The following CD1B variants were observed in gnomAD, a reference collection of about 807,000 sequenced individuals.
The protein encoded by CD1B is CD1b molecule, also known as T-cell surface glycoprotein CD1b.
In CD1B, 43 loss-of-function variants were observed where a neutral mutation model predicts 39.8. The observed-to-expected ratio is 1.08, with a 90% confidence interval of 0.85 to 1.39. The LOEUF is 1.39. Ranked by LOEUF, CD1B falls within the 40% of genes most tolerant of loss-of-function variation. The pLI, the probability that CD1B is intolerant of heterozygous loss-of-function variation, is 0.00. For synonymous variants in CD1B, 192 were observed against 152.5 expected, an observed-to-expected ratio of 1.26 and a Z score of -1.91; for missense variants, 495 against 403.8, an observed-to-expected ratio of 1.23 and a Z score of -1.94.
the CD1B span, among the ~76,000 whole-genome samples, chr1:158,321,942 G>C: frequency 2.2e-4 from 34 of 151,466 alleles, no homozygotes; most frequent in African/African-American, 8.3e-4. Context: ...TCAGGCCCCA[G>C]TGTGTGTTGC....
At chr1:158,292,675 C>A in the CD1B span, 1 of 1,614,016 alleles carries the variant, frequency 6.2e-7, no homozygotes, top group South Asian at 1.1e-5. Context: ...CCTCCGGCTT[C>A]TACCCAAAGC....
chr1:158,289,054 G>A, the CD1B span, among the ~76,000 whole-genome samples: 10 of 152,192 alleles, frequency 6.6e-5, no homozygotes, highest in Admixed American at 1.3e-4. Context: ...GTATTTAGTT[G>A]AGATGCATGC....
chr1:158,292,362 C>A, the CD1B span: 2 of 1,612,310 alleles, frequency 1.2e-6, no homozygotes, highest in East Asian at 2.2e-5. Flanking sequence ...TGTACACAGG[C>A]AAGGTCAGTA....
chr1:158,292,001 C>A, the CD1B span: 1 of 1,398,706 alleles, frequency 7.1e-7, no homozygotes, highest in Non-Finnish European at 9.7e-7. Context: ...TCTTGCTTCA[C>A]TTCCTGATAC....
the CD1B span, among the ~76,000 whole-genome samples, chr1:158,294,073 A>C: frequency 6.6e-6 from 1 of 152,346 alleles, no homozygotes; most frequent in Admixed American, 6.5e-5. Context: ...GGAAAAGTGC[A>C]GCCTTGTGCC....
At chr1:158,311,614 T>A in the CD1B span, among the ~76,000 whole-genome samples, 2 of 152,162 alleles carry the variant, frequency 1.3e-5, no homozygotes, top group Non-Finnish European at 2.9e-5. Flanking sequence ...TTTCTTCTTG[T>A]AGTTTCACAA....
At chr1:158,304,439 G>A in the CD1B span, among the ~76,000 whole-genome samples, 7 of 152,290 alleles carry the variant, frequency 4.6e-5, 1 homozygote, top group Middle Eastern at 6.8e-3. Flanking sequence ...ACAAAGGCCA[G>A]GAAGCTCGAA....
the CD1B span, among the ~76,000 whole-genome samples, chr1:158,316,826 C>T: frequency 5.3e-4 from 81 of 151,926 alleles, 3 homozygotes; most frequent in Admixed American, 1.5e-3. Context: ...TTTTGAAATA[C>T]GTCCCATCAA....
Position 158,329,535 on chromosome 1 carries a change from C to G in CD1B, c.721G>C (p.Gly241Arg). ...PKPVWVMWMR[G>R]EQEQQGTQLG... The stretch of plus-strand genomic sequence containing the variant: ...TGAGTGCCCTGCTGCTCCTGCTCAC[C>G]CCGCATCCACATCACCCACACGGGC... Residue 241 changes from glycine to arginine, a missense_variant, in exon 4 of 6, where the codon GGT (glycine) becomes CGT (arginine). Gly to Arg is a moderately radical substitution (Grantham distance 125). Coordinates refer to ENST00000368168, the MANE Select transcript of CD1B (RefSeq NM_001764.3). 6.2e-7 allele frequency: 1 copy of G among 1,614,024 alleles called. No individual in the cohort carries two copies. Among genetic ancestry groups the G allele is most frequent in the Non-Finnish European group, 8.5e-7 (1 of 1,180,000 alleles).
At chr1:158,299,279 G>GT in the CD1B span, among the ~76,000 whole-genome samples, 1 of 152,090 alleles carries the variant, frequency 6.6e-6, no homozygotes, top group Admixed American at 6.6e-5. Flanking sequence ...TAATGATGTG[G>GT]TTTTTTTCTT....
the CD1B span, among the ~76,000 whole-genome samples, chr1:158,317,287 G>T: frequency 6.6e-6 from 1 of 152,048 alleles, no homozygotes; most frequent in African/African-American, 2.4e-5. Flanking sequence ...GAATCCATCT[G>T]GTCCTGGACT....
the CD1B span, among the ~76,000 whole-genome samples, chr1:158,311,359 T>G: frequency 6.6e-6 from 1 of 152,140 alleles, no homozygotes; most frequent in Non-Finnish European, 1.5e-5. Context: ...CTTTTGCCCT[T>G]TAAAATTTAA....
chr1:158,306,484 G>A, the CD1B span, among the ~76,000 whole-genome samples: 2 of 152,148 alleles, frequency 1.3e-5, no homozygotes, highest in Non-Finnish European at 2.9e-5. Context: ...AATAATGGGA[G>A]ATTTTAACAC....
chr1:158,329,424 A>C lies in CD1B; in HGVS notation c.832T>G (p.Ser278Ala), dbSNP rs771933139. 1 of 1,614,128 alleles carries C rather than the reference A, an allele frequency of 6.2e-7. No homozygotes were observed. The highest frequency in any genetic ancestry group is 2.2e-5 in the East Asian group (1 of 44,876). The change falls in exon 4 of 6, where the codon TCC (serine) becomes GCC (alanine). Residue 278 changes from serine to alanine, a missense_variant. Physicochemically the swap from Ser to Ala is moderately conservative, Grantham distance 99. Coordinates refer to ENST00000368168, the MANE Select transcript of CD1B (RefSeq NM_001764.3). ...DVADGEAAGL[S>A]CRVKHSSLEG... ...AAACTGCTGTGCTTCACCCGACAGG[A>C]CAGGCCAGCCGCCTCCCCATCTGCC... is the stretch of plus-strand genomic sequence containing the variant.
chr1:158,290,014 A>C, the CD1B span: 4 of 1,549,014 alleles, frequency 2.6e-6, no homozygotes, highest in African/African-American at 4.1e-5. Flanking sequence ...TTTGCTAAGA[A>C]CAGAGATCAG....
the CD1B span, chr1:158,292,715 C>G: frequency 6.2e-6 from 10 of 1,614,190 alleles, no homozygotes; most frequent in Non-Finnish European, 8.5e-6. Flanking sequence ...GCGGAATGAA[C>G]AGGAGCAACT....
the CD1B span, chr1:158,291,249 C>T: frequency 4.3e-6 from 7 of 1,614,076 alleles, no homozygotes; most frequent in Non-Finnish European, 5.9e-6. Context: ...ATGGCTGGGA[C>T]AGTGAATCAG....
At chr1:158,289,794 GA>G in the CD1B span, 55 of 374,100 alleles carry the variant, frequency 1.5e-4, no homozygotes, top group African/African-American at 9.6e-4. Context: ...TAAGGCAGTT[GA>G]GGAAGGGAAG....
chr1:158,305,116 G>C, the CD1B span, among the ~76,000 whole-genome samples: 1 of 152,130 alleles, frequency 6.6e-6, no homozygotes, highest in Non-Finnish European at 1.5e-5. Flanking sequence ...AGAGAAGAAG[G>C]CATCAGACGA....
Sources: gnomAD v4.1 joint callset for allele counts (sites outside exome capture counted in the v4.1 genomes callset) on GRCh38, gnomAD v4.1.1 for gene constraint, MANE v1.5 for transcripts, NCBI Gene and HGNC (gene_info 2026-07-23, HGNC 2026-07-21) for gene names.